Variants in FAM13A observed in about 807,000 individuals in gnomAD.
FAM13A encodes protein FAM13A.
A neutral mutation model predicts 129.6 loss-of-function variants in FAM13A; 76 were observed. That is an observed-to-expected ratio of 0.59 (90% CI 0.49 to 0.71). The LOEUF is 0.71. Among genes scored for constraint, FAM13A ranks in the 30% least tolerant of loss-of-function variants. FAM13A has a pLI of 0.00. For missense variants in FAM13A, 1,108 were observed against 1,249.3 expected, an observed-to-expected ratio of 0.89 and a Z score of 1.70; for synonymous variants, 443 against 449.9, an observed-to-expected ratio of 0.98 and a Z score of 0.20.
intron 6 of FAM13A, among the ~76,000 whole-genome samples, chr4:88,899,179 A>G (rs2150200650): frequency 6.6e-6 from 1 of 152,190 alleles, no homozygotes; most frequent in Middle Eastern, 3.4e-3. Flanking sequence ...AAAAGAATGG[A>G]TTAATGGCAT....
intron 5 of FAM13A, among the ~76,000 whole-genome samples, chr4:88,935,298 T>C (rs886095384): frequency 2.0e-5 from 3 of 152,216 alleles, no homozygotes; most frequent in Non-Finnish European, 4.4e-5. Context: ...CCGTTTCACA[T>C]GCAAGAATAT....
chr4:89,043,681 A>G (rs146078505), intron 1 of FAM13A, among the ~76,000 whole-genome samples: 1 of 152,314 alleles, frequency 6.6e-6, no homozygotes, highest in African/African-American at 2.4e-5. Context: ...TAAACTAACA[A>G]AAAGAACAAA....
Position 88,730,784 on chromosome 4 carries a change from C to A in FAM13A, c.2945+543G>T, listed in dbSNP as rs578256282. Among the ~76,000 whole-genome samples the A allele has an allele frequency of 1.3e-4, 20 of 152,286 alleles. 1 individual carries two copies. The South Asian group carries it at 3.7e-3, about 28-fold the overall frequency. ...GCTTGAAAATCAGTAATACTTAGAT[C>A]TCTCTTTCCCTTGTTTCTCTAGCTC... On this transcript the variant is annotated intron_variant, in intron 23 of 23. Transcript: ENST00000264344.
At chr4:89,011,145 G>A (rs772047930) in intron 3 of FAM13A, among the ~76,000 whole-genome samples, 1 of 152,066 alleles carries the variant, frequency 6.6e-6, no homozygotes, top group Non-Finnish European at 1.5e-5. Flanking sequence ...ACCATGCCTG[G>A]CCATCCTCAT....
chr4:88,927,355 C>T, intron 5 of FAM13A, among the ~76,000 whole-genome samples: 1 of 151,080 alleles, frequency 6.6e-6, no homozygotes, highest in Non-Finnish European at 1.5e-5. Flanking sequence ...TTGGTGGAGC[C>T]TTTAGGGATT....
intron 14 of FAM13A, among the ~76,000 whole-genome samples, chr4:88,758,140 C>T (rs2149503596): frequency 6.6e-6 from 1 of 152,198 alleles, no homozygotes; most frequent in Admixed American, 6.5e-5. Context: ...TTCTTCCTCG[C>T]AAGTACATTT....
chr4:89,000,815 T>C (rs1488929458), intron 3 of FAM13A, among the ~76,000 whole-genome samples: 2 of 152,208 alleles, frequency 1.3e-5, no homozygotes, highest in Non-Finnish European at 2.9e-5. Flanking sequence ...CAGTTAAAGA[T>C]GAGTGTACCT....
chr4:88,912,546 C>A (rs1561315659), intron 5 of FAM13A, among the ~76,000 whole-genome samples: 1 of 142,312 alleles, frequency 7.0e-6, no homozygotes, highest in African/African-American at 2.7e-5. Flanking sequence ...TAATAAATCA[C>A]CTCTCTCTTT....
At chr4:89,018,896 T>C (rs1766877057) in intron 3 of FAM13A, among the ~76,000 whole-genome samples, 1 of 152,212 alleles carries the variant, frequency 6.6e-6, no homozygotes. Flanking sequence ...TGACCTCCAT[T>C]TCAAGAATGT....
At chr4:88,747,288 G>T (rs911451105) in intron 18 of FAM13A, among the ~76,000 whole-genome samples, 8 of 152,074 alleles carry the variant, frequency 5.3e-5, no homozygotes, top group African/African-American at 1.9e-4. Flanking sequence ...AGGCACATGG[G>T]GCTTAGCTTA....
At chr4:88,768,944 CA>C (rs1456838043) in intron 11 of FAM13A, among the ~76,000 whole-genome samples, 1 of 152,104 alleles carries the variant, frequency 6.6e-6, no homozygotes, top group Non-Finnish European at 1.5e-5. Context: ...TACAAATAAG[CA>C]AATGAGAATA....
At chr4:88,731,938 A>G in intron 22 of FAM13A, 64 bp downstream of exon 22, 6 of 1,265,842 alleles carry the variant, frequency 4.7e-6, no homozygotes, top group Non-Finnish European at 5.5e-6. Flanking sequence ...TACAAAGGCT[A>G]AGATAATATT....
intron 3 of FAM13A, among the ~76,000 whole-genome samples, chr4:89,002,176 C>A (rs960143357): frequency 1.9e-3 from 218 of 115,442 alleles, no homozygotes; most frequent in East Asian, 4.2e-3. Context: ...CACCCAACGG[C>A]AAAAAAAAAA....
At chr4:88,733,493 C>T (rs1738319002) in intron 21 of FAM13A, among the ~76,000 whole-genome samples, 1 of 152,164 alleles carries the variant, frequency 6.6e-6, no homozygotes, top group East Asian at 1.9e-4. Flanking sequence ...AGAGTAATAA[C>T]AATTCCCATC....
At position 88,926,024 on chromosome 4, in the gene FAM13A, C is replaced by T. The variant is rs78548846; in HGVS notation, c.759+12064G>A. On this transcript the variant is annotated intron_variant, in intron 5 of 23. Coordinates refer to ENST00000264344, the MANE Select transcript of FAM13A (RefSeq NM_014883.4). Reference sequence around the variant, plus strand: ...CAAGTAGTTTATGCGGGTGGTTCTGCGGTGGAATGGGGGTGATAAGAGAGG... The same window carrying T: ...CAAGTAGTTTATGCGGGTGGTTCTGTGGTGGAATGGGGGTGATAAGAGAGG... 2.6e-4 allele frequency among the ~76,000 whole-genome samples: 40 copies of T among 151,908 alleles called. No homozygotes were observed. In the East Asian group the frequency reaches 6.0e-3, roughly 23 times the overall value.
chr4:88,968,034 C>T lies in FAM13A; in HGVS notation c.605+22939G>A, dbSNP rs531441808. 5.3e-5 allele frequency among the ~76,000 whole-genome samples: 8 copies of T among 152,262 alleles called. No individual in the cohort carries two copies. In the South Asian group the frequency reaches 1.7e-3, roughly 32 times the overall value. ...CCTGTTTATCCCTTTCCACAGAAGACCTGCCATAATTTGCAGAGTCTAGCA... is the reference window on the plus strand; with the variant it reads ...CCTGTTTATCCCTTTCCACAGAAGATCTGCCATAATTTGCAGAGTCTAGCA... On this transcript the variant is annotated intron_variant, in intron 4 of 23. Coordinates refer to ENST00000264344, the MANE Select transcript of FAM13A (RefSeq NM_014883.4).
At chr4:89,025,924 C>T (rs1256622436) in intron 2 of FAM13A, among the ~76,000 whole-genome samples, 1 of 152,110 alleles carries the variant, frequency 6.6e-6, no homozygotes, top group Non-Finnish European at 1.5e-5. Context: ...TCACCATATA[C>T]TCTCCTATAT....
intron 10 of FAM13A, 67 bp from the exon 11 acceptor site, chr4:88,781,418 T>C: frequency 9.5e-7 from 1 of 1,050,462 alleles, no homozygotes; most frequent in African/African-American, 1.6e-5. Context: ...ATACTCTAAC[T>C]ACATCATATC....
intron 7 of FAM13A, among the ~76,000 whole-genome samples, chr4:88,837,470 C>A (rs1735015249): frequency 6.6e-6 from 1 of 150,534 alleles, no homozygotes; most frequent in Non-Finnish European, 1.5e-5. Context: ...AATCCCACCA[C>A]TTTGGGAGGC....
Sources: allele counts gnomAD v4.1 joint callset (sites outside exome capture counted in the v4.1 genomes callset), GRCh38; gene constraint gnomAD v4.1.1; transcripts MANE v1.5; gene names NCBI Gene and HGNC (gene_info 2026-07-23, HGNC 2026-07-21).